SLC9A3: variants seen among roughly 807,000 people sequenced by gnomAD.
The protein encoded by SLC9A3 is solute carrier family 9 member A3.
Under a neutral mutation model 86.8 loss-of-function variants are expected in SLC9A3, and 37 were observed. The ratio of observed to expected loss-of-function variants is 0.43; its 90% CI spans 0.33 to 0.56. The LOEUF is 0.56. Ranked by LOEUF, SLC9A3 falls within the 20% of genes least tolerant of loss-of-function variation. The pLI is 0.06. For missense variants in SLC9A3, 1,011 were observed against 1,171.9 expected, an observed-to-expected ratio of 0.86 and a Z score of 2.00; for synonymous variants, 581 against 528.3, an observed-to-expected ratio of 1.10 and a Z score of -1.37.
chr5:501,138 G>A (rs1374121095), intron 1 of SLC9A3, among the ~76,000 whole-genome samples: 2 of 152,198 alleles, frequency 1.3e-5, no homozygotes, highest in African/African-American at 4.8e-5. Flanking sequence ...TGTGCCTGGA[G>A]GAGGAAGGGC....
rs1738462586 is a variant in SLC9A3, at chr5:472,992, G to C, written c.*387C>G. The C allele has an allele frequency of 2.1e-6, 1 of 482,856 alleles. No individual in the cohort carries two copies. The allele number at this position is 482,856 out of a possible 1,614,324, so 29.9% of individuals were successfully genotyped here. A position where few individuals can be genotyped will look rare whatever the true frequency, so the allele number is the denominator to read the frequency against. On this transcript the variant is annotated 3_prime_UTR_variant, in exon 17 of 17. Transcript: ENST00000264938. ...CAGCGGCGTCTCCTCCTGCTCCAGC[G>C]CGTGCGGCGGTGCGTGGCACGAGGG... is the stretch of plus-strand genomic sequence containing the variant.
intron 2 of SLC9A3, among the ~76,000 whole-genome samples, chr5:490,339 C>T (rs73042923): frequency 0.029 from 3,516 of 120,020 alleles, 129 homozygotes; most frequent in African/African-American, 0.11. Flanking sequence ...TGCAGCGTGG[C>T]GAGGGGCAGG....
intron 1 of SLC9A3, among the ~76,000 whole-genome samples, chr5:521,146 C>T (rs1016603627): frequency 2.6e-5 from 4 of 152,262 alleles, no homozygotes; most frequent in Non-Finnish European, 5.9e-5. Flanking sequence ...GCCCTTGCCT[C>T]CCCTTCTGCA....
At chr5:498,787 CT>C (rs1740140852) in intron 1 of SLC9A3, among the ~76,000 whole-genome samples, 1 of 152,230 alleles carries the variant, frequency 6.6e-6, no homozygotes, top group Admixed American at 6.5e-5. Context: ...AAGAGTGCCC[CT>C]GCTGGCCTCG....
At chr5:493,692 T>C (rs113315737) in intron 1 of SLC9A3, among the ~76,000 whole-genome samples, 113 of 152,372 alleles carry the variant, frequency 7.4e-4, no homozygotes, top group African/African-American at 2.7e-3. Flanking sequence ...CTCTGCCTGC[T>C]GCTCCAGATT....
In SLC9A3 at chr5:473,327, C is replaced by T; in HGVS notation, c.*52G>A. 3 of 1,400,576 alleles carry T rather than the reference C, an allele frequency of 2.1e-6. No individual in the cohort carries two copies. Among genetic ancestry groups the T allele is most frequent in the South Asian group, 1.5e-5 (1 of 66,068 alleles). The allele number at this position is 1,400,576 out of a possible 1,614,324, so 86.8% of individuals were successfully genotyped here. A position where few individuals can be genotyped will look rare whatever the true frequency, so the allele number is the denominator to read the frequency against. ...CTGGGACAGCGGCGGCGGCGGTGGGCGGACCGTGGCGCGGGGACGAGCGGC... is the reference window on the plus strand; with the variant it reads ...CTGGGACAGCGGCGGCGGCGGTGGGTGGACCGTGGCGCGGGGACGAGCGGC... On this transcript the variant is annotated 3_prime_UTR_variant, in exon 17 of 17. Transcript: ENST00000264938.
At chr5:519,599 C>T (rs1235383660) in intron 1 of SLC9A3, among the ~76,000 whole-genome samples, 3 of 152,192 alleles carry the variant, frequency 2.0e-5, no homozygotes, top group Admixed American at 1.3e-4. Flanking sequence ...CTGGGTAAGA[C>T]AGCGGGGGTC....
At chr5:482,264 C>T (rs1248955108) in intron 7 of SLC9A3, 107 bp from the exon 8 acceptor site, 1 of 853,734 alleles carries the variant, frequency 1.2e-6, no homozygotes, top group Admixed American at 2.3e-5. Context: ...CACAGGCGCC[C>T]TCCCTGCTCT....
intron 11 of SLC9A3, 87 bp downstream of exon 11, chr5:477,245 C>T: frequency 2.2e-6 from 2 of 924,372 alleles, no homozygotes; most frequent in Non-Finnish European, 3.3e-6. Flanking sequence ...CACCCCCAGG[C>T]CAGGAGCCAC....
rs74925751 is a variant in SLC9A3, at chr5:497,975, G to A, written c.212-5904C>T. On this transcript the variant is annotated intron_variant, in intron 1 of 16. Transcript: ENST00000264938. This position sits in a 1 kb window ranked among gnomAD's most constrained non-coding sequence, Gnocchi z 5.4. ...TGGTCAGCTATGAAGCCTTAGCCTCGCTTGTGGGAGTCCCTGCCTCACGGA... is the reference window on the plus strand; with the variant it reads ...TGGTCAGCTATGAAGCCTTAGCCTCACTTGTGGGAGTCCCTGCCTCACGGA... Among the ~76,000 whole-genome samples the A allele has an allele frequency of 0.016, 2,386 of 152,268 alleles. 91 individuals are homozygous for A. Among genetic ancestry groups the A allele is most frequent in the African/African-American group, 0.051 (2,134 of 41,520 alleles).
At chr5:484,738 G>GGCCCTTCCTT (rs779980541) in intron 4 of SLC9A3, 41 bp from the exon 5 acceptor site, 2 of 1,602,660 alleles carry the variant, frequency 1.2e-6, no homozygotes, top group Non-Finnish European at 1.7e-6. Flanking sequence ...CGGCCTTCCG[G>GGCCCTTCCTT]GCCCTTCCTT....
intron 10 of SLC9A3, 21 bp from the exon 11 acceptor site, chr5:477,465 G>C (rs759075632): frequency 6.3e-7 from 1 of 1,577,684 alleles, no homozygotes; most frequent in Non-Finnish European, 8.7e-7. Flanking sequence ...GAAGCAGCCC[G>C]GTCAGTGGCC....
intron 1 of SLC9A3, among the ~76,000 whole-genome samples, chr5:503,348 C>T (rs1235459895): frequency 2.0e-5 from 3 of 152,198 alleles, no homozygotes; most frequent in Non-Finnish European, 4.4e-5. Context: ...CCAGCCTGGG[C>T]AACACAGCAA....
chr5:499,536 G>A (rs1337045198), intron 1 of SLC9A3, among the ~76,000 whole-genome samples: 9 of 152,258 alleles, frequency 5.9e-5, no homozygotes, highest in Non-Finnish European at 4.4e-5. Context: ...TTTTTAGGAT[G>A]GGATGACGAC....
intron 1 of SLC9A3, among the ~76,000 whole-genome samples, chr5:510,077 C>T (rs942238667): frequency 1.3e-5 from 2 of 152,182 alleles, no homozygotes; most frequent in Admixed American, 6.5e-5. Flanking sequence ...ACCGGGGAGC[C>T]GCTGGAGGCC....
In SLC9A3 at chr5:470,800, A is replaced by C. The variant is rs1738314521; in HGVS notation, c.*2579T>G. 1 of 152,408 alleles carries C rather than the reference A, an allele frequency of 6.6e-6. No homozygotes were observed. Among genetic ancestry groups the C allele is most frequent in the Non-Finnish European group, 1.5e-5 (1 of 68,042 alleles). The allele number at this position is 152,408 out of a possible 1,614,324, so 9.4% of individuals were successfully genotyped here. On this transcript the variant is annotated 3_prime_UTR_variant, in exon 17 of 17. Transcript: ENST00000264938. The stretch of plus-strand genomic sequence containing the variant: ...AAAATTATTTTTGAGAAAATACAGA[A>C]GTGAGAAATAGTGATTTCCTCAATT...
chr5:485,496 G>A (rs1488662430), intron 3 of SLC9A3, among the ~76,000 whole-genome samples: 1 of 152,218 alleles, frequency 6.6e-6, no homozygotes, highest in African/African-American at 2.4e-5. Context: ...GCAAAACAGG[G>A]GCAGCTGCAA....
Position 488,318 on chromosome 5 carries a change from C to G in SLC9A3, c.673G>C (p.Val225Leu), listed in dbSNP as rs149018338. ...GESLLNDAVT[V>L]VLYNVFESFV... ...GGAGCGGTGGCTCCGTTGCTCACCACGGTGACTGCGTCGTTCAGCAGCGAC... is the reference window on the plus strand; with the variant it reads ...GGAGCGGTGGCTCCGTTGCTCACCAGGGTGACTGCGTCGTTCAGCAGCGAC... The change falls in exon 3 of 17, where the codon GTG becomes CTG. Residue 225 changes from valine (V) to leucine (L), a missense_variant and splice_region_variant. Coordinates refer to ENST00000264938, the MANE Select transcript of SLC9A3 (RefSeq NM_004174.4). 3.1e-6 allele frequency: 5 copies of G among 1,612,418 alleles called. No homozygotes were observed. The highest frequency in any genetic ancestry group is 4.2e-6 in the Non-Finnish European group (5 of 1,179,788).
intron 1 of SLC9A3, among the ~76,000 whole-genome samples, chr5:522,816 C>T (rs1321047957): frequency 6.6e-6 from 1 of 151,902 alleles, no homozygotes; most frequent in Non-Finnish European, 1.5e-5. Context: ...CAGAGGAAAG[C>T]AGGGTGAGCT....
Sources: gnomAD v4.1 joint callset for allele counts (sites outside exome capture counted in the v4.1 genomes callset) on GRCh38, gnomAD v4.1.1 for gene constraint, Gnocchi (gnomAD v3.1) non-coding constraint, MANE v1.5 for transcripts, NCBI Gene and HGNC (gene_info 2026-07-23, HGNC 2026-07-21) for gene names.